The following FSTL4 variants were observed in gnomAD, a reference collection of about 807,000 sequenced individuals.
FSTL4 encodes the protein follistatin-related protein 4.
FSTL4 carries 28 observed loss-of-function variants against 78.2 expected under a neutral mutation model. That is an observed-to-expected ratio of 0.36 (90% CI 0.27 to 0.49). The LOEUF (loss-of-function observed/expected upper bound fraction) is 0.49. Ranked by LOEUF, FSTL4 falls within the 20% of genes least tolerant of loss-of-function variation. The pLI, the probability that FSTL4 is intolerant of heterozygous loss-of-function variation, is 0.98. For missense variants in FSTL4, 922 were observed against 1,084.9 expected (o/e 0.85, Z 2.11); for synonymous variants, 422 against 440.5 (o/e 0.96, Z 0.53).
the FSTL4 span, among the ~76,000 whole-genome samples, chr5:133,763,096 C>G: frequency 3.3e-5 from 5 of 152,270 alleles, no homozygotes; most frequent in African/African-American, 9.6e-5. Context: ...CTCAGGAGTC[C>G]TAGGAATGCT....
intron 4 of FSTL4, among the ~76,000 whole-genome samples, chr5:133,378,031 G>A (rs1254532127): frequency 2.6e-5 from 4 of 152,030 alleles, no homozygotes; most frequent in Non-Finnish European, 4.4e-5. Context: ...ACAAAGAATC[G>A]TATATCCAAC....
At chr5:133,742,664 G>C in the FSTL4 span, among the ~76,000 whole-genome samples, 22 of 152,166 alleles carry the variant, frequency 1.4e-4, no homozygotes, top group Non-Finnish European at 2.9e-5. Context: ...AAAGGACACC[G>C]TGGCAAAACC....
intron 4 of FSTL4, among the ~76,000 whole-genome samples, chr5:133,339,322 T>C (rs938154271): frequency 2.0e-5 from 3 of 152,166 alleles, no homozygotes; most frequent in Non-Finnish European, 2.9e-5. Context: ...GGAGCAGGAA[T>C]AGGACACCTC....
chr5:133,458,278 G>C (rs980427026), intron 3 of FSTL4: 6 of 152,168 alleles, frequency 3.9e-5, no homozygotes, highest in Non-Finnish European at 1.5e-5. Flanking sequence ...CTTTGGGCCT[G>C]CTCAAGAAAA....
At chr5:133,785,717 G>A in the FSTL4 span, among the ~76,000 whole-genome samples, 4 of 152,350 alleles carry the variant, frequency 2.6e-5, no homozygotes, top group South Asian at 8.3e-4. Context: ...CGAGGGCCAA[G>A]TGGTGTGGCT....
chr5:133,570,450 T>G (rs1328841388), intron 2 of FSTL4, among the ~76,000 whole-genome samples: 1 of 152,112 alleles, frequency 6.6e-6, no homozygotes, highest in Non-Finnish European at 1.5e-5. Flanking sequence ...AGCCTCCCAG[T>G]TCTTCCACTT....
chr5:133,672,272 C>T, the FSTL4 span, among the ~76,000 whole-genome samples: 1 of 152,330 alleles, frequency 6.6e-6, no homozygotes, highest in South Asian at 2.1e-4. Context: ...TGCTACTGTA[C>T]TCAGTGGTGC....
At chr5:133,358,228 C>A (rs1474303435) in intron 4 of FSTL4, among the ~76,000 whole-genome samples, 1 of 152,208 alleles carries the variant, frequency 6.6e-6, no homozygotes, top group Non-Finnish European at 1.5e-5. Context: ...AGAGCCTTAA[C>A]TTCACCTGCA....
intron 4 of FSTL4, among the ~76,000 whole-genome samples, chr5:133,339,347 A>T (rs915025467): frequency 1.3e-5 from 2 of 152,134 alleles, no homozygotes; most frequent in Non-Finnish European, 2.9e-5. Flanking sequence ...AACTGGGCAC[A>T]GGCCTGCTCT....
chr5:133,375,312 A>ATATAT (rs1554109201), intron 4 of FSTL4, among the ~76,000 whole-genome samples: 11 of 134,688 alleles, frequency 8.2e-5, no homozygotes, highest in East Asian at 6.2e-4. Flanking sequence ...ATATATATAT[A>ATATAT]AAAGACTCTA....
At chr5:133,513,834 T>G (rs1758791047) in intron 3 of FSTL4, among the ~76,000 whole-genome samples, 1 of 152,066 alleles carries the variant, frequency 6.6e-6, no homozygotes, top group African/African-American at 2.4e-5. Context: ...ATGATCTACT[T>G]TAGAATTCAG....
At chr5:133,565,496 G>A (rs1760006582) in intron 3 of FSTL4, among the ~76,000 whole-genome samples, 2 of 152,222 alleles carry the variant, frequency 1.3e-5, no homozygotes, top group Non-Finnish European at 2.9e-5. Context: ...AGACATCAGT[G>A]CACAATAGGA....
At chr5:133,235,738 C>T (rs1199921581) in intron 7 of FSTL4, among the ~76,000 whole-genome samples, 1 of 152,164 alleles carries the variant, frequency 6.6e-6, no homozygotes, top group Non-Finnish European at 1.5e-5. Context: ...TCAAAGAGCC[C>T]TTTTCTACCA....
intron 3 of FSTL4, among the ~76,000 whole-genome samples, chr5:133,514,068 A>G (rs908175004): frequency 6.6e-6 from 1 of 151,574 alleles, no homozygotes; most frequent in Non-Finnish European, 1.5e-5. Flanking sequence ...AGTCCCAGCT[A>G]CTCGAGAGGC....
At chr5:133,451,961 GC>G (rs1757393295) in intron 3 of FSTL4, among the ~76,000 whole-genome samples, 1 of 152,358 alleles carries the variant, frequency 6.6e-6, no homozygotes, top group East Asian at 1.9e-4. Flanking sequence ...CTGTCTGCCT[GC>G]CTCCTAATGC....
chr5:133,517,977 G>A (rs985954862), intron 3 of FSTL4, among the ~76,000 whole-genome samples: 6 of 152,162 alleles, frequency 3.9e-5, no homozygotes, highest in African/African-American at 1.4e-4. Context: ...TAATTTAAAC[G>A]TCAATCTCAT....
At chr5:133,624,377 T>C in the FSTL4 span, among the ~76,000 whole-genome samples, 1 of 152,000 alleles carries the variant, frequency 6.6e-6, no homozygotes, top group Non-Finnish European at 1.5e-5. Context: ...TCTTTTAATA[T>C]GAAATATTCA....
chr5:133,419,478 A>G (rs1443327470), intron 3 of FSTL4, among the ~76,000 whole-genome samples: 1 of 152,214 alleles, frequency 6.6e-6, no homozygotes, highest in Non-Finnish European at 1.5e-5. Flanking sequence ...CAGTTTGTCT[A>G]TTCATTCAAC....
the FSTL4 span, among the ~76,000 whole-genome samples, chr5:133,714,382 G>A: frequency 6.6e-6 from 1 of 152,098 alleles, no homozygotes; most frequent in Admixed American, 6.5e-5. Flanking sequence ...ATGCACGCCT[G>A]GACAGTGGTG....
Sources: gnomAD v4.1 joint callset for allele counts (sites outside exome capture counted in the v4.1 genomes callset) on GRCh38, gnomAD v4.1.1 for gene constraint, MANE v1.5 for transcripts, NCBI Gene and HGNC (gene_info 2026-07-23, HGNC 2026-07-21) for gene names.